METTL8: variants seen among roughly 807,000 people sequenced by gnomAD.
METTL8 encodes the protein methyltransferase 8, tRNA N3-cytidine, also known as tRNA N(3)-cytidine methyltransferase METTL8, mitochondrial.
METTL8 carries 32 observed loss-of-function variants against 48.7 expected under a neutral mutation model. The ratio of observed to expected loss-of-function variants is 0.66; its 90% CI spans 0.50 to 0.88. METTL8 has a LOEUF of 0.88. Ranked by LOEUF, METTL8 falls within the 40% of genes least tolerant of loss-of-function variation. The pLI, the probability that METTL8 is intolerant of heterozygous loss-of-function variation, is 0.00. For missense variants in METTL8, 464 were observed against 474.4 expected (o/e 0.98, Z 0.20); for synonymous variants, 136 against 157.1 (o/e 0.87, Z 1.01).
intron 2 of METTL8, among the ~76,000 whole-genome samples, chr2:171,368,707 A>G (rs1685972923): frequency 1.3e-5 from 2 of 152,178 alleles, no homozygotes; most frequent in Non-Finnish European, 2.9e-5. Context: ...TAAAGGATCT[A>G]TCCAAAGTGC....
chr2:171,432,763 C>T (rs962821663), intron 1 of METTL8, among the ~76,000 whole-genome samples: 1 of 152,194 alleles, frequency 6.6e-6, no homozygotes, highest in Admixed American at 6.5e-5. Flanking sequence ...CACACTCACC[C>T]AGTACTGTAA....
At position 171,395,553 on chromosome 2, in the gene METTL8, T is replaced by C. The variant is rs368813702; in HGVS notation, c.-12-3356A>G. On this transcript the variant is annotated intron_variant, in intron 1 of 9. Coordinates refer to ENST00000375258, the MANE Select transcript of METTL8 (RefSeq NM_001321154.2). ...AAGAAAGCTGGTGGGGCTATATTAA[T>C]AGACAAAGTAGACTTCAATGAAAAG... 3.9e-5 allele frequency among the ~76,000 whole-genome samples: 6 copies of C among 152,248 alleles called. No homozygotes were observed. The East Asian group carries it at 1.2e-3, about 29-fold the overall frequency.
At chr2:171,384,032 C>T (rs1687816100) in intron 2 of METTL8, among the ~76,000 whole-genome samples, 1 of 152,130 alleles carries the variant, frequency 6.6e-6, no homozygotes, top group Admixed American at 6.5e-5. Context: ...AGGGGAACAG[C>T]CCAAATGTCT....
chr2:171,424,108 C>T (rs949984992), intron 1 of METTL8, among the ~76,000 whole-genome samples: 4 of 152,318 alleles, frequency 2.6e-5, no homozygotes, highest in East Asian at 1.9e-4. Flanking sequence ...GCAGCTTCCA[C>T]GTGTTATTGG....
intron 1 of METTL8, among the ~76,000 whole-genome samples, chr2:171,410,498 G>A (rs1690642101): frequency 6.6e-6 from 1 of 152,192 alleles, no homozygotes; most frequent in African/African-American, 2.4e-5. Flanking sequence ...AACCTAAGAT[G>A]TGTCTAGAAG....
intron 1 of METTL8, among the ~76,000 whole-genome samples, chr2:171,426,293 G>A (rs956990012): frequency 2.6e-5 from 4 of 152,068 alleles, no homozygotes; most frequent in African/African-American, 4.8e-5. Context: ...CAGGTATGTC[G>A]TAAAATGTAA....
intron 1 of METTL8, among the ~76,000 whole-genome samples, chr2:171,403,259 G>A (rs556484034): frequency 2.6e-5 from 4 of 152,262 alleles, no homozygotes; most frequent in African/African-American, 9.6e-5. Context: ...CACGAACAGT[G>A]ATAGTGCTGA....
At chr2:171,328,836 T>G (rs2105392491) in intron 7 of METTL8, among the ~76,000 whole-genome samples, 1 of 150,976 alleles carries the variant, frequency 6.6e-6, no homozygotes, top group South Asian at 2.1e-4. Flanking sequence ...ACTACAGGTG[T>G]GTGCCACCAC....
Position 171,316,603 on chromosome 2 carries a change from T to C in METTL8, c.*7569A>G, listed in dbSNP as rs1684276403. 6.6e-6 allele frequency among the ~76,000 whole-genome samples: 1 copy of C among 152,212 alleles called. No homozygotes were observed. Among genetic ancestry groups the C allele is most frequent in the African/African-American group, 2.4e-5 (1 of 41,454 alleles). On this transcript the variant is annotated 3_prime_UTR_variant, in exon 10 of 10. Coordinates refer to ENST00000375258, the MANE Select transcript of METTL8 (RefSeq NM_001321154.2). The stretch of plus-strand genomic sequence containing the variant: ...CAGAGAGTGGTGGATTAAGAATATA[T>C]TCATGGAAAGGATAGATCTTCCTTG...
rs1055192962 is a variant in METTL8 at position 171,319,424 on chromosome 2, A to G, written c.*4748T>C. 46 of 152,240 alleles carry G rather than the reference A, an allele frequency of 3.0e-4. No homozygotes were observed. Among genetic ancestry groups the G allele is most frequent in the African/African-American group, 9.4e-4 (39 of 41,468 alleles). The allele number at this position is 152,240 out of a possible 1,614,324, so 9.4% of individuals were successfully genotyped here. ...AATTAGAAGTAACAATGTGTGATCTATTCAGGCTTCAGGACTTTGATGAGT... is the reference window on the plus strand; with the variant it reads ...AATTAGAAGTAACAATGTGTGATCTGTTCAGGCTTCAGGACTTTGATGAGT... On this transcript the variant is annotated 3_prime_UTR_variant, in exon 10 of 10. Coordinates refer to ENST00000375258, the MANE Select transcript of METTL8 (RefSeq NM_001321154.2).
chr2:171,410,650 T>G (rs1382627175), intron 1 of METTL8, among the ~76,000 whole-genome samples: 1 of 152,268 alleles, frequency 6.6e-6, no homozygotes, highest in African/African-American at 2.4e-5. Context: ...AATGTCCTCA[T>G]AGCAAGCTAT....
intron 3 of METTL8, among the ~76,000 whole-genome samples, chr2:171,346,025 T>C (rs1414721016): frequency 1.3e-5 from 2 of 151,376 alleles, no homozygotes. Flanking sequence ...TCTATAGTTT[T>C]TTTGTTTTTG....
chr2:171,407,104 C>G (rs1690261187), intron 1 of METTL8, among the ~76,000 whole-genome samples: 1 of 151,986 alleles, frequency 6.6e-6, no homozygotes, highest in Non-Finnish European at 1.5e-5. Context: ...CTAGTAACCA[C>G]AGAGTAAGCC....
chr2:171,325,932 C>G (rs1684903813), intron 8 of METTL8, 26 bp from the exon 9 acceptor site: 3 of 1,503,842 alleles, frequency 2.0e-6, no homozygotes, highest in Middle Eastern at 1.7e-4. Context: ...AAAAGAGAAA[C>G]TCTTAAGGGT....
intron 1 of METTL8, among the ~76,000 whole-genome samples, chr2:171,424,061 AG>A (rs1467407549): frequency 6.6e-6 from 1 of 152,232 alleles, no homozygotes; most frequent in Admixed American, 6.5e-5. Flanking sequence ...GGTACAGCAC[AG>A]GCCATGGCTT....
At position 171,432,651 on chromosome 2, in the gene METTL8, T is replaced by A. The variant is rs552359713; in HGVS notation, c.-13+1232A>T. Among the ~76,000 whole-genome samples the A allele has an allele frequency of 1.2e-4, 18 of 152,250 alleles. No homozygotes were observed. In the South Asian group the frequency reaches 3.7e-3, roughly 32 times the overall value. Reference sequence around the variant, plus strand: ...AAAGCACTCTACCGTATGCTGTAAATAAGTCATGAAAAATCAGCAAAAGCT... The same window carrying A: ...AAAGCACTCTACCGTATGCTGTAAAAAAGTCATGAAAAATCAGCAAAAGCT... On this transcript the variant is annotated intron_variant, in intron 1 of 9. Coordinates refer to ENST00000375258, the MANE Select transcript of METTL8 (RefSeq NM_001321154.2).
chr2:171,414,318 G>A (rs1387652374), intron 1 of METTL8, among the ~76,000 whole-genome samples: 1 of 151,996 alleles, frequency 6.6e-6, no homozygotes, highest in Non-Finnish European at 1.5e-5. Context: ...TCGAGAGGCT[G>A]AGGCAGGAGA....
At chr2:171,393,874 A>G (rs1481320933) in intron 1 of METTL8, among the ~76,000 whole-genome samples, 1 of 152,250 alleles carries the variant, frequency 6.6e-6, no homozygotes, top group African/African-American at 2.4e-5. Flanking sequence ...TTTAAACATA[A>G]AATTCAAGAT....
chr2:171,356,952 A>ATGTTTTTTTTTTTGTTTT, intron 3 of METTL8, among the ~76,000 whole-genome samples: 3 of 78,468 alleles, frequency 3.8e-5, no homozygotes, highest in Admixed American at 1.9e-4. Flanking sequence ...CAAAGACAAT[A>ATGTTTTTTTTTTTGTTTT]TTTTTTTTTT....
Sources: gnomAD v4.1 joint callset for allele counts (sites outside exome capture counted in the v4.1 genomes callset) on GRCh38, gnomAD v4.1.1 for gene constraint, MANE v1.5 for transcripts, NCBI Gene and HGNC (gene_info 2026-07-23, HGNC 2026-07-21) for gene names.